The following F13B variants were observed in gnomAD, a reference collection of about 807,000 sequenced individuals.
The protein encoded by F13B is TGase.
In F13B, 58 loss-of-function variants were observed where a neutral mutation model predicts 79.8. The observed-to-expected ratio is 0.73, with a 90% CI of 0.59 to 0.90. F13B has a LOEUF of 0.90. Ranked by LOEUF, F13B falls within the 40% of genes least tolerant of loss-of-function variation. The pLI is 0.00. For synonymous variants in F13B, 283 were observed against 260.3 expected (o/e 1.09, Z -0.84); for missense variants, 773 against 777.0 (o/e 0.99, Z 0.06).
chr1:197,063,081 GA>G, intron 1 of F13B, 24 bp from the exon 2 acceptor site: 1 of 1,589,214 alleles, frequency 6.3e-7, no homozygotes, highest in Non-Finnish European at 8.6e-7. Flanking sequence ...ATGTCAAGCT[GA>G]AAATGGAAAA....
At position 197,050,867 on chromosome 1, in the gene F13B, A is replaced by T; in HGVS notation, c.1568T>A (p.Met523Lys). Reference sequence around the variant, plus strand: ...TTTAATAAGAGGAGGAGATGTGCACATTCCTTTAGATTCTGCAAAAATAAG... The same window carrying T: ...TTTAATAAGAGGAGGAGATGTGCACTTTCCTTTAGATTCTGCAAAAATAAG... ...PLCTRKESKG[M>K]CTSPPLIKHG... The change falls in exon 10 of 12, where the codon ATG becomes AAG. Residue 523 changes from methionine (M) to lysine (K), a missense_variant. By Grantham distance (95) the Met-to-Lys change is moderately conservative. Coordinates refer to ENST00000367412, the MANE Select transcript of F13B (RefSeq NM_001994.3). 1 of 1,612,862 alleles carries T rather than the reference A, an allele frequency of 6.2e-7. No homozygotes were observed. Among genetic ancestry groups the T allele is most frequent in the Non-Finnish European group, 8.5e-7 (1 of 1,179,298 alleles).
Position 197,040,612 on chromosome 1 carries a change from T to C in F13B, c.1862A>G (p.Tyr621Cys), listed in dbSNP as rs1315370436. The change falls in exon 11 of 12, where the codon TAT becomes TGT. Residue 621 changes from tyrosine (Y) to cysteine (C), a missense_variant. By Grantham distance (194) the Tyr-to-Cys change is radical. Transcript: ENST00000367412. ...YIEFICRGDT[Y>C]PAELYITGSI... is the part of the protein sequence containing the mutation. ...TCCAGTAATATATAATTCAGCTGGA[T>C]AAGTATCTCCTCTACAAATAAACTC... 8 of 1,613,082 alleles carry C rather than the reference T, an allele frequency of 5.0e-6. No homozygotes were observed. Among genetic ancestry groups the C allele is most frequent in the Non-Finnish European group, 6.8e-6 (8 of 1,179,268 alleles).
chr1:197,044,874 A>G (rs1655171636), intron 10 of F13B, among the ~76,000 whole-genome samples: 1 of 152,164 alleles, frequency 6.6e-6, no homozygotes, highest in Admixed American at 6.5e-5. Flanking sequence ...CTGCACAACT[A>G]CATGGAAACT....
At chr1:197,047,740 C>T (rs1364964824) in intron 10 of F13B, among the ~76,000 whole-genome samples, 1 of 152,182 alleles carries the variant, frequency 6.6e-6, no homozygotes, top group Non-Finnish European at 1.5e-5. Flanking sequence ...GGAACCAACC[C>T]AAATGTCTAT....
intron 8 of F13B, among the ~76,000 whole-genome samples, chr1:197,054,174 C>T (rs1655554606): frequency 1.3e-5 from 2 of 152,186 alleles, no homozygotes; most frequent in South Asian, 4.1e-4. Flanking sequence ...AAACCTAACT[C>T]TCTTGAGGCA....
intron 8 of F13B, among the ~76,000 whole-genome samples, chr1:197,053,969 G>T (rs1655544926): frequency 6.6e-6 from 1 of 152,056 alleles, no homozygotes; most frequent in Admixed American, 6.6e-5. Flanking sequence ...AGAGAGTATG[G>T]AGAGGTTAGA....
Position 197,062,963 on chromosome 1 carries a change from T to C in F13B, c.159A>G (p.Lys53=). 1 of 1,613,852 alleles carries C rather than the reference T, an allele frequency of 6.2e-7. No homozygotes were observed. The highest frequency in any genetic ancestry group is 8.5e-7 in the Non-Finnish European group (1 of 1,179,826). ...KSFYFPMSID[K]KLSFFCLAGY... ...CAGCCAAGCAGAAAAATGACAATTT[T>C]TTGTCTATGCTCATTGGAAAGTAAA... Residue 53 remains lysine, a synonymous_variant, in exon 2 of 12, where the codon AAA becomes AAG. Transcript: ENST00000367412.
rs2125051777 is a variant in F13B at position 197,040,513 on chromosome 1, A to AG, written c.1952+8_1952+9insC. ...AAAATAATCTGACCAAAAAAAAAAA[A>AG]CTTCTTACCTTTGTCTTGGAATACA... On this transcript the variant is annotated intron_variant, in intron 11 of 11. Coordinates refer to ENST00000367412, the MANE Select transcript of F13B (RefSeq NM_001994.3). 8 of 1,604,424 alleles carry AG rather than the reference A, an allele frequency of 5.0e-6. No individual in the cohort carries two copies. The highest frequency in any genetic ancestry group is 2.2e-5 in the East Asian group (1 of 44,732).
chr1:197,041,292 G>A (rs1174651938), intron 10 of F13B, among the ~76,000 whole-genome samples: 2 of 152,072 alleles, frequency 1.3e-5, no homozygotes, highest in African/African-American at 2.4e-5. Flanking sequence ...ACTGGATTAA[G>A]ACGTTTTAAA....
At chr1:197,044,465 A>G (rs1655153836) in intron 10 of F13B, among the ~76,000 whole-genome samples, 1 of 152,226 alleles carries the variant, frequency 6.6e-6, no homozygotes, top group South Asian at 2.1e-4. Context: ...TAACTATTCT[A>G]AATATATATG....
Position 197,057,484 on chromosome 1 carries a change from C to T in F13B, c.806-19G>A, listed in dbSNP as rs950701105. 8 of 1,612,098 alleles carry T rather than the reference C, an allele frequency of 5.0e-6. No homozygotes were observed. The highest frequency in any genetic ancestry group is 4.2e-6 in the Non-Finnish European group (5 of 1,178,560). ...CTTCTTCCTTATGGAAAAAATTAAT[C>T]AGCACCTTTAGTCATATAATTACAA... On this transcript the variant is annotated intron_variant, in intron 5 of 11. Transcript: ENST00000367412.
intron 1 of F13B, among the ~76,000 whole-genome samples, chr1:197,064,879 C>G (rs1655994475): frequency 1.3e-5 from 2 of 152,092 alleles, no homozygotes; most frequent in Admixed American, 6.6e-5. Context: ...AGGCCTAGAT[C>G]CAGTGTGATT....
chr1:197,039,525 A>G, intron 11 of F13B, 114 bp from the exon 12 acceptor site: 1 of 775,422 alleles, frequency 1.3e-6, no homozygotes. Context: ...ATTAAGTACT[A>G]ATAAGAATAA....
At chr1:197,065,303 G>T (rs1656007331) in intron 1 of F13B, among the ~76,000 whole-genome samples, 1 of 152,044 alleles carries the variant, frequency 6.6e-6, no homozygotes, top group African/African-American at 2.4e-5. Context: ...TATTTGTTAA[G>T]GTAGCTGGAA....
chr1:197,053,463 A>G (rs1297601826), intron 8 of F13B, among the ~76,000 whole-genome samples: 2 of 152,012 alleles, frequency 1.3e-5, no homozygotes, highest in Non-Finnish European at 2.9e-5. Context: ...TTCCCTGCAC[A>G]TGCTCTCTTG....
At chr1:197,059,896 T>G (rs1050672350) in intron 5 of F13B, among the ~76,000 whole-genome samples, 2 of 152,188 alleles carry the variant, frequency 1.3e-5, no homozygotes, top group African/African-American at 2.4e-5. Flanking sequence ...GGGCAGCTTT[T>G]ACAAGATGAC....
rs12752075 is a variant in F13B at position 197,062,921 on chromosome 1, A to G, written c.201T>C (p.Ser67=). 9.9e-6 allele frequency: 16 copies of G among 1,613,742 alleles called. No homozygotes were observed. In the African/African-American group the frequency reaches 1.9e-4, roughly 19 times the overall value. ...ACGTGGTTTGCTCTTCTTGTCTTCC[A>G]CTTTCAGTGGTATAACCAGCCAAGC... is the stretch of plus-strand genomic sequence containing the variant. The part of the protein sequence containing the change: ...FFCLAGYTTE[S]GRQEEQTTCT... The change falls in exon 2 of 12, where the codon AGT becomes AGC. Residue 67 remains serine, a synonymous_variant. Coordinates refer to ENST00000367412, the MANE Select transcript of F13B (RefSeq NM_001994.3).
intron 10 of F13B, among the ~76,000 whole-genome samples, chr1:197,049,439 T>C (rs1230822153): frequency 2.0e-5 from 3 of 151,950 alleles, no homozygotes; most frequent in African/African-American, 7.2e-5. Flanking sequence ...AAAAAGAGGA[T>C]AGGAAGATGT....
rs1316210752 is a variant in F13B at position 197,054,962 on chromosome 1, TA to T, written c.1354+752del. Among the ~76,000 whole-genome samples the T allele has an allele frequency of 5.9e-5, 9 of 152,162 alleles. No homozygotes were observed. In the East Asian group the frequency reaches 1.7e-3, roughly 29 times the overall value. On this transcript the variant is annotated intron_variant, in intron 8 of 11. Coordinates refer to ENST00000367412, the MANE Select transcript of F13B (RefSeq NM_001994.3). ...ACTTGAAAGTGTACTGTTTGGAATA[TA>T]AAAATGTTGAACACTAAACATCCAT...
Sources: gnomAD v4.1 joint callset for allele counts (sites outside exome capture counted in the v4.1 genomes callset) on GRCh38, gnomAD v4.1.1 for gene constraint, MANE v1.5 for transcripts, NCBI Gene and HGNC (gene_info 2026-07-23, HGNC 2026-07-21) for gene names.